The following TBC1D2 variants were observed in gnomAD, a reference collection of about 807,000 sequenced individuals.
The protein encoded by TBC1D2 is TBC1 domain family member 2A.
In TBC1D2, 58 loss-of-function variants were observed where a neutral mutation model predicts 91.1. That is an observed-to-expected ratio of 0.64 (90% CI 0.52 to 0.79). The LOEUF is 0.79. Ranked by LOEUF, TBC1D2 falls within the 30% of genes least tolerant of loss-of-function variation. TBC1D2 has a pLI of 0.00. For synonymous variants in TBC1D2, 482 were observed against 511.5 expected (o/e 0.94, Z 0.78); for missense variants, 1,080 against 1,208.3 (o/e 0.89, Z 1.57).
At chr9:98,236,159 A>G (rs1829499572) in intron 3 of TBC1D2, among the ~76,000 whole-genome samples, 1 of 152,218 alleles carries the variant, frequency 6.6e-6, no homozygotes. Context: ...TTTATTAAAA[A>G]AAAACAATTG....
At chr9:98,224,274 T>C (rs867252284) in intron 5 of TBC1D2, among the ~76,000 whole-genome samples, 3 of 142,904 alleles carry the variant, frequency 2.1e-5, no homozygotes, top group African/African-American at 7.9e-5. Flanking sequence ...TGTTTTTTTT[T>C]CTTTTCTTTT....
Position 98,208,704 on chromosome 9 carries a change from T to C in TBC1D2, c.2114A>G (p.Gln705Arg), listed in dbSNP as rs765341062. The C allele has an allele frequency of 1.3e-6, 2 of 1,539,588 alleles. No homozygotes were observed. Among genetic ancestry groups the C allele is most frequent in the South Asian group, 2.5e-5 (2 of 80,116 alleles). The stretch of plus-strand genomic sequence containing the variant: ...CTGGCAGTAGCCGATGGTGGGGTTC[T>C]GCCAGGAGAAGGCCAGCAGCACCCG... The part of the protein sequence containing the change: ...LRRVLLAFSW[Q>R]NPTIGYCQGL... Residue 705 changes from glutamine (Q) to arginine (R), a missense_variant, in exon 9 of 13, where the codon CAG becomes CGG. Coordinates refer to ENST00000465784, the MANE Select transcript of TBC1D2 (RefSeq NM_001267571.2).
chr9:98,199,363 G>A lies in TBC1D2; in HGVS notation c.*18C>T. 1.9e-6 allele frequency: 3 copies of A among 1,612,080 alleles called. No individual in the cohort carries two copies. The South Asian group carries it at 3.3e-5, about 18-fold the overall frequency. On this transcript the variant is annotated 3_prime_UTR_variant, in exon 13 of 13. Transcript: ENST00000465784. ...CAGCCAAGGGTGAGGAAGGCTGTGG[G>A]GAGGGGAGGTGGCCAAGTCAGGCTT... is the stretch of plus-strand genomic sequence containing the variant.
rs1350844711 is a variant in TBC1D2 at position 98,199,169 on chromosome 9, GGTAA to G, written c.*208_*211del. 7 of 617,694 alleles carry G rather than the reference GGTAA, an allele frequency of 1.1e-5. No homozygotes were observed. Among genetic ancestry groups the G allele is most frequent in the African/African-American group, 1.1e-4 (6 of 54,134 alleles). 38.3% of individuals were successfully genotyped at this position (617,694 alleles called of 1,614,324 possible). On this transcript the variant is annotated 3_prime_UTR_variant, in exon 13 of 13. Transcript: ENST00000465784. Reference sequence around the variant, plus strand: ...AGGTGACGAAAGGGTGGCATCCCTGGGTAAGTAAGTGCCTATGAAGAAGTAGCCC... The same window carrying G: ...AGGTGACGAAAGGGTGGCATCCCTGGGTAAGTGCCTATGAAGAAGTAGCCC...
intron 6 of TBC1D2, chr9:98,213,464 A>G: frequency 7.7e-7 from 1 of 1,298,832 alleles, no homozygotes; most frequent in Non-Finnish European, 9.9e-7. Context: ...TCTGGCTGGA[A>G]GGCCTCAGGC....
intron 3 of TBC1D2, among the ~76,000 whole-genome samples, chr9:98,240,806 C>T (rs984703299): frequency 1.6e-4 from 24 of 152,264 alleles, no homozygotes; most frequent in African/African-American, 4.1e-4. Context: ...TGAAATGGTC[C>T]GGCTGGTCAC....
At chr9:98,240,416 C>T (rs1829611262) in intron 3 of TBC1D2, among the ~76,000 whole-genome samples, 1 of 152,128 alleles carries the variant, frequency 6.6e-6, no homozygotes, top group African/African-American at 2.4e-5. Flanking sequence ...CCCAGTCTTG[C>T]CTTCCCCATC....
At chr9:98,216,239 T>G (rs1200844399) in intron 6 of TBC1D2, among the ~76,000 whole-genome samples, 1 of 152,194 alleles carries the variant, frequency 6.6e-6, no homozygotes, top group Non-Finnish European at 1.5e-5. Flanking sequence ...ATGTGGCAAG[T>G]GCAACGTGAG....
At chr9:98,211,105 A>G (rs1297649995) in intron 7 of TBC1D2, among the ~76,000 whole-genome samples, 1 of 152,228 alleles carries the variant, frequency 6.6e-6, no homozygotes, top group East Asian at 1.9e-4. Flanking sequence ...ACAGGCTCTT[A>G]CACAGCTTAC....
intron 3 of TBC1D2, among the ~76,000 whole-genome samples, chr9:98,243,461 G>A (rs972029831): frequency 2.0e-5 from 3 of 151,788 alleles, no homozygotes; most frequent in Non-Finnish European, 4.4e-5. Context: ...CTCGTCCAGT[G>A]GGTAATTTTT....
rs1288403805 is a variant in TBC1D2 at position 98,255,316 on chromosome 9, A to G, written c.226T>C (p.Cys76Arg). Reference sequence around the variant, plus strand: ...GCGGTCCGCGAGTAATACAGCTGACATTTCCTTTCGTCGTAGAAGAACCAG... The same window carrying G: ...GCGGTCCGCGAGTAATACAGCTGACGTTTCCTTTCGTCGTAGAAGAACCAG... Reference protein sequence around the residue: ...SRWFFYDERKCQLYYSRTAQD... With the variant: ...SRWFFYDERKRQLYYSRTAQD... Residue 76 changes from cysteine (C) to arginine (R), a missense_variant, in exon 1 of 13, where the codon TGT becomes CGT. Transcript: ENST00000465784. 1.2e-6 allele frequency: 2 copies of G among 1,614,096 alleles called. No individual in the cohort carries two copies. Among genetic ancestry groups the G allele is most frequent in the Admixed American group, 1.7e-5 (1 of 60,006 alleles).
At chr9:98,210,606 A>G in intron 8 of TBC1D2, 50 bp downstream of exon 8, 1 of 1,473,738 alleles carries the variant, frequency 6.8e-7, no homozygotes, top group Non-Finnish European at 9.0e-7. Context: ...GCAGCTGGGG[A>G]GGAGCCGCCA....
chr9:98,253,794 A>T (rs948973929), intron 1 of TBC1D2, among the ~76,000 whole-genome samples: 2 of 151,992 alleles, frequency 1.3e-5, no homozygotes, highest in African/African-American at 4.8e-5. Context: ...GACTTATCAC[A>T]TGTCTCTACA....
intron 1 of TBC1D2, 65 bp from the exon 2 acceptor site, chr9:98,251,991 A>T: frequency 6.5e-7 from 1 of 1,539,220 alleles, no homozygotes; most frequent in Non-Finnish European, 8.7e-7. Context: ...GTGCAGGAAG[A>T]GGGGAAGGTT....
At chr9:98,218,018 T>C (rs1481082027) in intron 6 of TBC1D2, among the ~76,000 whole-genome samples, 1 of 152,102 alleles carries the variant, frequency 6.6e-6, no homozygotes, top group African/African-American at 2.4e-5. Context: ...GCCTGGCTAA[T>C]TTTTTAATTT....
intron 4 of TBC1D2, among the ~76,000 whole-genome samples, chr9:98,230,490 T>C (rs561254461): frequency 1.3e-5 from 2 of 152,322 alleles, no homozygotes; most frequent in African/African-American, 4.8e-5. Flanking sequence ...AAGAATGTGG[T>C]ATGGCATCCC....
At chr9:98,209,950 TTCCGA>T (rs201039672) in intron 8 of TBC1D2, among the ~76,000 whole-genome samples, 10,887 of 151,348 alleles carry the variant, frequency 0.072, 448 homozygotes, top group East Asian at 0.14. Flanking sequence ...CACCTCAGCC[TTCCGA>T]GTAGCTGGGA....
chr9:98,202,104 C>G (rs943434126), intron 10 of TBC1D2, among the ~76,000 whole-genome samples: 5 of 152,204 alleles, frequency 3.3e-5, no homozygotes, highest in Non-Finnish European at 7.3e-5. Context: ...TCTCTATACC[C>G]AATTTGTGCC....
Position 98,199,256 on chromosome 9 carries a change from G to T in TBC1D2, c.*125C>A, listed in dbSNP as rs1212476843. 2.9e-6 allele frequency: 3 copies of T among 1,042,388 alleles called. No individual in the cohort carries two copies. Among genetic ancestry groups the T allele is most frequent in the Non-Finnish European group, 4.3e-6 (3 of 702,578 alleles). The allele number at this position is 1,042,388 out of a possible 1,614,324, so 64.6% of individuals were successfully genotyped here. A position where few individuals can be genotyped will look rare whatever the true frequency, so the allele number is the denominator to read the frequency against. ...TGGGGAAACTGAGGGCCAGAGAGGG[G>T]AAGGGACATGTCCAAGGTCACATGG... On this transcript the variant is annotated 3_prime_UTR_variant, in exon 13 of 13. Transcript: ENST00000465784.
Sources: gnomAD v4.1 joint callset for allele counts (sites outside exome capture counted in the v4.1 genomes callset) on GRCh38, gnomAD v4.1.1 for gene constraint, MANE v1.5 for transcripts, NCBI Gene and HGNC (gene_info 2026-07-23, HGNC 2026-07-21) for gene names.